Variants in CACNG2 observed in about 807,000 individuals in gnomAD.
The protein encoded by CACNG2 is voltage-dependent calcium channel gamma-2 subunit.
CACNG2 carries 3 observed loss-of-function variants against 25.9 expected under a neutral mutation model. That is an observed-to-expected ratio of 0.12 (90% CI 0.05 to 0.30). CACNG2 has a LOEUF of 0.30. Among genes scored for constraint, CACNG2 ranks in the 10% least tolerant of loss-of-function variants. The probability of loss-of-function intolerance (pLI) is 1.00; values close to 1 mark genes in which losing one functional copy is unlikely to be tolerated. For missense variants in CACNG2, 341 were observed against 432.5 expected (o/e 0.79, Z 1.88); for synonymous variants, 167 against 173.3 (o/e 0.96, Z 0.29).
chr22:36,698,525 C>G (rs574552977), intron 1 of CACNG2, among the ~76,000 whole-genome samples: 1 of 152,254 alleles, frequency 6.6e-6, no homozygotes, highest in East Asian at 1.9e-4. Flanking sequence ...GCGTGGAGCA[C>G]TGTATCACCT....
chr22:36,683,020 G>A (rs761007543), intron 1 of CACNG2, among the ~76,000 whole-genome samples: 1 of 152,144 alleles, frequency 6.6e-6, no homozygotes, highest in Admixed American at 6.6e-5. Flanking sequence ...CATCCCAAAG[G>A]GGGCTCTTAC....
chr22:36,688,143 T>C (rs547150326), intron 1 of CACNG2, among the ~76,000 whole-genome samples: 11 of 151,832 alleles, frequency 7.2e-5, no homozygotes, highest in Admixed American at 2.6e-4. Context: ...CACATGGTCC[T>C]CAGCCCAGGG....
chr22:36,673,798 G>C, intron 1 of CACNG2, among the ~76,000 whole-genome samples: 1 of 152,134 alleles, frequency 6.6e-6, no homozygotes, highest in Admixed American at 6.6e-5. Flanking sequence ...GTACTTTACA[G>C]TTTATGAAGC....
intron 1 of CACNG2, among the ~76,000 whole-genome samples, chr22:36,600,501 T>C (rs1341437288): frequency 6.6e-6 from 1 of 151,014 alleles, no homozygotes; most frequent in Admixed American, 6.6e-5. Context: ...CTAATGAACA[T>C]AACCTGTACA....
chr22:36,608,914 T>A (rs1935882988), intron 1 of CACNG2, among the ~76,000 whole-genome samples: 1 of 152,180 alleles, frequency 6.6e-6, no homozygotes. Flanking sequence ...ATTGTTGTTG[T>A]TATCACAGGA....
intron 1 of CACNG2, among the ~76,000 whole-genome samples, chr22:36,688,677 A>T (rs2146011581): frequency 6.6e-6 from 1 of 152,130 alleles, no homozygotes; most frequent in South Asian, 2.1e-4. Context: ...CTCATGGTAG[A>T]GGCAAAGAAA....
Position 36,606,010 on chromosome 22 carries a change from C to G in CACNG2, c.212-18462G>C, listed in dbSNP as rs1485813523. On this transcript the variant is annotated intron_variant, in intron 1 of 3. Transcript: ENST00000300105. This position sits in a 1 kb window ranked among gnomAD's most constrained non-coding sequence, Gnocchi z 5.7. The stretch of plus-strand genomic sequence containing the variant: ...GCCCTGTGGTGTGGTGGCTGTGCCT[C>G]TCGCAGGAGAGCGTGGGTCTGAGTT... Among the ~76,000 whole-genome samples the G allele has an allele frequency of 2.6e-5, 4 of 152,218 alleles. No homozygotes were observed. In the South Asian group the frequency reaches 8.3e-4, roughly 32 times the overall value.
At chr22:36,700,449 G>T (rs1937397634) in intron 1 of CACNG2, among the ~76,000 whole-genome samples, 1 of 152,218 alleles carries the variant, frequency 6.6e-6, no homozygotes, top group Non-Finnish European at 1.5e-5. Context: ...ATTTCTGGGT[G>T]TATTTATGGT....
At chr22:36,684,358 G>A (rs145604311) in intron 1 of CACNG2, among the ~76,000 whole-genome samples, 177 of 152,296 alleles carry the variant, frequency 1.2e-3, no homozygotes, top group African/African-American at 4.1e-3. Context: ...GCTCACACCT[G>A]TAATCCCAGA....
intron 1 of CACNG2, among the ~76,000 whole-genome samples, chr22:36,653,497 C>T (rs1208765921): frequency 6.6e-6 from 1 of 152,208 alleles, no homozygotes; most frequent in Non-Finnish European, 1.5e-5. Context: ...GGGCTGGGGC[C>T]TGTGTGTGCC....
At chr22:36,685,256 G>C (rs1336422612) in intron 1 of CACNG2, among the ~76,000 whole-genome samples, 2 of 152,066 alleles carry the variant, frequency 1.3e-5, no homozygotes, top group South Asian at 2.1e-4. Flanking sequence ...AACTGTCGTG[G>C]ACCCTCTGGG....
intron 1 of CACNG2, among the ~76,000 whole-genome samples, chr22:36,679,247 T>TTTCTTTCTTTCTTTCTTTCTTCC: frequency 6.8e-6 from 1 of 147,172 alleles, no homozygotes; most frequent in Non-Finnish European, 1.5e-5. Context: ...TCTTTCTTTC[T>TTTCTTTCTTTCTTTCTTTCTTCC]TTTCTTTAAA....
chr22:36,566,586 G>A, intron 2 of CACNG2, 93 bp from the exon 3 acceptor site: 1 of 1,340,402 alleles, frequency 7.5e-7, no homozygotes, highest in Non-Finnish European at 1.1e-6. Context: ...CCGAGGCGCT[G>A]GGGGTTTATG....
intron 2 of CACNG2, among the ~76,000 whole-genome samples, chr22:36,579,433 T>G (rs1173175133): frequency 8.2e-6 from 1 of 122,164 alleles, no homozygotes; most frequent in Admixed American, 8.4e-5. Context: ...AAAAAAAAGC[T>G]GCCGGCTGTC....
rs559108451 is a variant in CACNG2, at chr22:36,679,324, A to G, written c.211+23042T>C. Among the ~76,000 whole-genome samples, 46 of 152,078 alleles carry G rather than the reference A, an allele frequency of 3.0e-4. No homozygotes were observed. In the South Asian group the frequency reaches 7.9e-3, roughly 26 times the overall value. On this transcript the variant is annotated intron_variant, in intron 1 of 3. Transcript: ENST00000300105. Reference sequence around the variant, plus strand: ...TCAGTCAGGGGTTAAAGTCCTTTATAAGAAAACATGGGCAGGAGCAAATGT... The same window carrying G: ...TCAGTCAGGGGTTAAAGTCCTTTATGAGAAAACATGGGCAGGAGCAAATGT...
At chr22:36,603,104 A>C (rs1052002430) in intron 1 of CACNG2, among the ~76,000 whole-genome samples, 40 of 152,380 alleles carry the variant, frequency 2.6e-4, no homozygotes, top group African/African-American at 8.9e-4. Flanking sequence ...GAAAGTTATT[A>C]AGGGAAGTTA....
At chr22:36,622,428 G>T (rs1936119778) in intron 1 of CACNG2, among the ~76,000 whole-genome samples, 1 of 152,198 alleles carries the variant, frequency 6.6e-6, no homozygotes, top group South Asian at 2.1e-4. Context: ...CTCATCATGA[G>T]GATCATGAGG....
At chr22:36,590,607 C>G (rs1404935398) in intron 1 of CACNG2, among the ~76,000 whole-genome samples, 1 of 152,130 alleles carries the variant, frequency 6.6e-6, no homozygotes, top group Non-Finnish European at 1.5e-5. Flanking sequence ...GGCCACCATC[C>G]CTGCTCCCTG....
intron 1 of CACNG2, among the ~76,000 whole-genome samples, chr22:36,690,757 T>A (rs1352845334): frequency 1.3e-5 from 2 of 152,160 alleles, no homozygotes; most frequent in African/African-American, 2.4e-5. Flanking sequence ...TGGGAAAGAA[T>A]GCATCCTGAT....
Sources: allele counts gnomAD v4.1 joint callset (sites outside exome capture counted in the v4.1 genomes callset), GRCh38; gene constraint gnomAD v4.1.1; non-coding constraint Gnocchi (gnomAD v3.1); transcripts MANE v1.5; gene names NCBI Gene and HGNC (gene_info 2026-07-23, HGNC 2026-07-21).